BABAM2: variants seen among roughly 807,000 people sequenced by gnomAD.
BABAM2 encodes BRISC and BRCA1 A complex member 2, also known as BRISC and BRCA1-A complex member 2.
In BABAM2, 31 loss-of-function variants were observed where a neutral mutation model predicts 54.7. The ratio of observed to expected loss-of-function variants is 0.57; its 90% CI spans 0.43 to 0.77. The LOEUF (loss-of-function observed/expected upper bound fraction) is 0.77. Among genes scored for constraint, BABAM2 ranks in the 30% least tolerant of loss-of-function variants. The pLI is 0.00. For missense variants in BABAM2, 364 were observed against 455.8 expected, an observed-to-expected ratio of 0.80 and a Z score of 1.83; for synonymous variants, 167 against 162.9, an observed-to-expected ratio of 1.03 and a Z score of -0.19.
At chr2:28,166,646 C>T (rs1409657694) in intron 7 of BABAM2, among the ~76,000 whole-genome samples, 2 of 152,098 alleles carry the variant, frequency 1.3e-5, no homozygotes, top group East Asian at 1.9e-4. Context: ...TTTGCACTGG[C>T]GTGACTGTGT....
At chr2:28,198,405 A>G (rs549310780) in intron 7 of BABAM2, among the ~76,000 whole-genome samples, 3 of 152,042 alleles carry the variant, frequency 2.0e-5, no homozygotes, top group Non-Finnish European at 4.4e-5. Flanking sequence ...TGACCTTGTG[A>G]TCCACCCACC....
At chr2:28,185,251 A>G (rs1036401095) in intron 7 of BABAM2, among the ~76,000 whole-genome samples, 12 of 152,188 alleles carry the variant, frequency 7.9e-5, no homozygotes, top group African/African-American at 1.7e-4. Flanking sequence ...AGATAAATTC[A>G]TCTGCCTTCA....
At chr2:27,934,110 T>C (rs1668316157) in intron 3 of BABAM2, among the ~76,000 whole-genome samples, 1 of 152,158 alleles carries the variant, frequency 6.6e-6, no homozygotes, top group East Asian at 1.9e-4. Flanking sequence ...CAATCCTGTG[T>C]TGAGCAAGTT....
intron 7 of BABAM2, among the ~76,000 whole-genome samples, chr2:28,153,867 A>G (rs1672289476): frequency 6.6e-6 from 1 of 152,212 alleles, no homozygotes; most frequent in Admixed American, 6.5e-5. Context: ...CGGGACATGC[A>G]CGATTGAGTT....
At chr2:28,207,507 T>G (rs1467589379) in intron 7 of BABAM2, among the ~76,000 whole-genome samples, 1 of 152,038 alleles carries the variant, frequency 6.6e-6, no homozygotes, top group Non-Finnish European at 1.5e-5. Context: ...ATTGCACCAC[T>G]GCACACCAGC....
chr2:28,273,424 T>C (rs558581382), intron 10 of BABAM2, among the ~76,000 whole-genome samples: 3 of 152,130 alleles, frequency 2.0e-5, no homozygotes, highest in Non-Finnish European at 4.4e-5. Flanking sequence ...GTGGTTTTAA[T>C]AAAATAGCTT....
At chr2:28,011,285 T>C (rs565679257) in intron 4 of BABAM2, among the ~76,000 whole-genome samples, 1 of 152,324 alleles carries the variant, frequency 6.6e-6, no homozygotes, top group Admixed American at 6.5e-5. Flanking sequence ...GAAAGCTCTT[T>C]AGTATCCCGT....
At position 28,225,956 on chromosome 2, in the gene BABAM2, C is replaced by G. The variant is rs188939858; in HGVS notation, c.681-11246C>G. Among the ~76,000 whole-genome samples the G allele has an allele frequency of 1.1e-3, 173 of 152,160 alleles. 1 individual carries two copies. Among genetic ancestry groups the G allele is most frequent in the Non-Finnish European group, 2.1e-3 (141 of 68,026 alleles). ...GCATCTGTAGAACTGTCAAATATTT[C>G]TATAATCCTAGATCAAGAGTCAGCA... On this transcript the variant is annotated intron_variant, in intron 7 of 11. Coordinates refer to ENST00000379624, the MANE Select transcript of BABAM2 (RefSeq NM_199191.3).
chr2:28,113,417 C>G (rs1379454641), intron 6 of BABAM2, among the ~76,000 whole-genome samples: 1 of 152,076 alleles, frequency 6.6e-6, no homozygotes, highest in South Asian at 2.1e-4. Flanking sequence ...ATCTTTTCCC[C>G]ATTGCTTGTT....
chr2:28,105,250 G>A (rs971924453), intron 6 of BABAM2, among the ~76,000 whole-genome samples: 2 of 152,062 alleles, frequency 1.3e-5, no homozygotes, highest in African/African-American at 4.8e-5. Flanking sequence ...TATTGCTTTA[G>A]CATCTCTTCA....
intron 6 of BABAM2, among the ~76,000 whole-genome samples, chr2:28,052,507 C>T (rs1268796856): frequency 1.3e-5 from 2 of 152,006 alleles, no homozygotes; most frequent in Admixed American, 6.6e-5. Flanking sequence ...AGGCTGGTCT[C>T]GAACTCCTGA....
rs182963315 is a variant in BABAM2, at chr2:28,236,641, C to T, written c.681-561C>T. Among the ~76,000 whole-genome samples the T allele has an allele frequency of 8.5e-5, 13 of 152,322 alleles. No individual in the cohort carries two copies. The East Asian group carries it at 2.5e-3, about 29-fold the overall frequency. ...TTGGCCTCCCAAAGTGCTGGGATTA[C>T]AGGCGTGAGCCACCATGCCTGGCCT... On this transcript the variant is annotated intron_variant, in intron 7 of 11. Coordinates refer to ENST00000379624, the MANE Select transcript of BABAM2 (RefSeq NM_199191.3).
intron 10 of BABAM2, among the ~76,000 whole-genome samples, chr2:28,252,774 G>A (rs148585248): frequency 1.3e-5 from 2 of 152,302 alleles, no homozygotes; most frequent in African/African-American, 4.8e-5. Flanking sequence ...TCTTATATAT[G>A]TTGTATGAAT....
intron 7 of BABAM2, among the ~76,000 whole-genome samples, chr2:28,148,783 C>T (rs1001982423): frequency 5.3e-5 from 8 of 152,244 alleles, no homozygotes; most frequent in Non-Finnish European, 1.5e-5. Context: ...AGCAACTTTT[C>T]CTCCTTGCTT....
chr2:28,045,689 G>T lies in BABAM2; in HGVS notation c.496-36G>T, dbSNP rs746418972. 1.2e-5 allele frequency: 18 copies of T among 1,547,498 alleles called. No homozygotes were observed. The East Asian group carries it at 3.1e-4, about 26-fold the overall frequency. ...AATTGTCACTTCATAATCTATTTTT[G>T]ATTTTAATCTTATTATTATAACTTT... On this transcript the variant is annotated intron_variant, in intron 5 of 11. Coordinates refer to ENST00000379624, the MANE Select transcript of BABAM2 (RefSeq NM_199191.3).
chr2:28,186,139 G>A (rs988769332), intron 7 of BABAM2, among the ~76,000 whole-genome samples: 21 of 152,264 alleles, frequency 1.4e-4, no homozygotes, highest in African/African-American at 4.6e-4. Flanking sequence ...GGTTAATTCC[G>A]ACCTTAGCTT....
chr2:28,067,687 G>A (rs1318643489), intron 6 of BABAM2, among the ~76,000 whole-genome samples: 2 of 152,190 alleles, frequency 1.3e-5, no homozygotes, highest in African/African-American at 4.8e-5. Context: ...AAGGTACAAA[G>A]TGGCACCTTA....
intron 7 of BABAM2, among the ~76,000 whole-genome samples, chr2:28,197,671 G>A (rs545933378): frequency 6.6e-6 from 1 of 152,270 alleles, no homozygotes; most frequent in Admixed American, 6.5e-5. Context: ...CCCATTCCAT[G>A]TCAGAATCAT....
At chr2:28,165,644 C>A (rs1673594554) in intron 7 of BABAM2, among the ~76,000 whole-genome samples, 1 of 144,386 alleles carries the variant, frequency 6.9e-6, no homozygotes, top group Non-Finnish European at 1.5e-5. Flanking sequence ...AAGGGATTCT[C>A]CTGCCTCAGC....
Sources: allele counts gnomAD v4.1 joint callset (sites outside exome capture counted in the v4.1 genomes callset), GRCh38; gene constraint gnomAD v4.1.1; transcripts MANE v1.5; gene names NCBI Gene and HGNC (gene_info 2026-07-23, HGNC 2026-07-21).